ATL2: variants seen among roughly 807,000 people sequenced by gnomAD.
ATL2 encodes atlastin GTPase 2.
ATL2 carries 31 observed loss-of-function variants against 73.9 expected under a neutral mutation model. The ratio of observed to expected loss-of-function variants is 0.42; its 90% CI spans 0.32 to 0.57. The LOEUF (loss-of-function observed/expected upper bound fraction) is 0.57. ATL2 is among the 20% of genes least tolerant of loss of function. The probability of loss-of-function intolerance (pLI) is 0.14; values close to 1 mark genes in which losing one functional copy is unlikely to be tolerated. For synonymous variants in ATL2, 291 were observed against 237.5 expected, an observed-to-expected ratio of 1.23 and a Z score of -2.07; for missense variants, 738 against 702.6, an observed-to-expected ratio of 1.05 and a Z score of -0.57.
chr2:38,341,337 T>C (rs1669705613), intron 2 of ATL2, among the ~76,000 whole-genome samples: 1 of 152,152 alleles, frequency 6.6e-6, no homozygotes, highest in African/African-American at 2.4e-5. Context: ...CTAGATCAAG[T>C]CTAAATAGGA....
intron 2 of ATL2, among the ~76,000 whole-genome samples, chr2:38,338,665 G>T (rs1017653841): frequency 2.0e-5 from 3 of 152,066 alleles, no homozygotes; most frequent in African/African-American, 4.8e-5. Context: ...GTTCTTTGAG[G>T]TTGGGGTGGA....
chr2:38,371,144 T>G (rs962231266), intron 1 of ATL2, among the ~76,000 whole-genome samples: 2 of 151,968 alleles, frequency 1.3e-5, no homozygotes, highest in African/African-American at 4.8e-5. Context: ...AGGAGTTTCT[T>G]TATAGAAGGC....
chr2:38,312,480 G>T (rs1218425744), intron 7 of ATL2, among the ~76,000 whole-genome samples: 1 of 152,140 alleles, frequency 6.6e-6, no homozygotes, highest in South Asian at 2.1e-4. Context: ...GGAGGCCGAG[G>T]TAGGCCGATC....
At chr2:38,346,502 C>T (rs544070324) in intron 1 of ATL2, among the ~76,000 whole-genome samples, 55 of 152,308 alleles carry the variant, frequency 3.6e-4, no homozygotes, top group Non-Finnish European at 6.5e-4. Flanking sequence ...GGTCCCCAAC[C>T]TTCTTGGTAC....
At chr2:38,370,150 C>CAA (rs962952444) in intron 1 of ATL2, among the ~76,000 whole-genome samples, 112 of 43,866 alleles carry the variant, frequency 2.6e-3, no homozygotes, top group African/African-American at 9.3e-3. Context: ...GAGACTCCGT[C>CAA]AAAAAAAAAA....
chr2:38,377,025 G>A (rs945860942), intron 1 of ATL2, 118 bp downstream of exon 1: 3 of 811,428 alleles, frequency 3.7e-6, no homozygotes, highest in Admixed American at 3.9e-5. Context: ...GGCGGCGGGA[G>A]GAGACCTGAA....
intron 1 of ATL2, among the ~76,000 whole-genome samples, chr2:38,364,620 G>A (rs115681035): frequency 0.017 from 2,584 of 152,194 alleles, 37 homozygotes; most frequent in Middle Eastern, 0.034. Flanking sequence ...TCCTATTTCC[G>A]GAAGTATTTT....
At chr2:38,355,731 G>A (rs1010688913) in intron 1 of ATL2, among the ~76,000 whole-genome samples, 16 of 139,958 alleles carry the variant, frequency 1.1e-4, no homozygotes, top group South Asian at 2.2e-4. Context: ...TTTGAGTCTC[G>A]CTCTGTCACC....
chr2:38,360,755 G>T (rs1281070576), intron 1 of ATL2, among the ~76,000 whole-genome samples: 1 of 152,128 alleles, frequency 6.6e-6, no homozygotes, highest in African/African-American at 2.4e-5. Flanking sequence ...AAATGAGGGA[G>T]AACATACTTT....
intron 9 of ATL2, among the ~76,000 whole-genome samples, chr2:38,303,385 T>C (rs1667283331): frequency 6.6e-6 from 1 of 152,008 alleles, no homozygotes; most frequent in Non-Finnish European, 1.5e-5. Context: ...TTTGTATTTT[T>C]TGTAGAGACA....
At chr2:38,316,317 T>C (rs1363365641) in intron 4 of ATL2, among the ~76,000 whole-genome samples, 1 of 152,218 alleles carries the variant, frequency 6.6e-6, no homozygotes, top group Non-Finnish European at 1.5e-5. Context: ...ACATAAACCC[T>C]GACACCATGA....
upstream of ATL2, chr2:38,377,401 T>C (rs1211789111): frequency 3.5e-5 from 23 of 666,114 alleles, no homozygotes; most frequent in Non-Finnish European, 5.2e-5. Context: ...CTGTATCTCC[T>C]CGCCCTCCGC....
At chr2:38,306,759 G>T (rs1667469745) in intron 9 of ATL2, among the ~76,000 whole-genome samples, 1 of 152,088 alleles carries the variant, frequency 6.6e-6, no homozygotes, top group Non-Finnish European at 1.5e-5. Flanking sequence ...CATAATAAAA[G>T]CTGTATACAA....
chr2:38,319,165 G>A, intron 2 of ATL2, 146 bp from the exon 3 acceptor site: 1 of 876,756 alleles, frequency 1.1e-6, no homozygotes, highest in Non-Finnish European at 1.7e-6. Flanking sequence ...TAGTTACAAA[G>A]CAGTCCTTAA....
At chr2:38,337,656 A>G (rs1389316084) in intron 2 of ATL2, among the ~76,000 whole-genome samples, 3 of 151,844 alleles carry the variant, frequency 2.0e-5, no homozygotes, top group Non-Finnish European at 4.4e-5. Context: ...TTAATTGATC[A>G]CAGGGATTTA....
chr2:38,352,133 C>CAAAAAAAAAAAAAAAAAA (rs778821586), intron 1 of ATL2, among the ~76,000 whole-genome samples: 2 of 31,964 alleles, frequency 6.3e-5, no homozygotes, highest in Non-Finnish European at 1.6e-4. Flanking sequence ...AAACAACAAC[C>CAAAAAAAAAAAAAAAAAA]AAAAAAAAAA....
At chr2:38,364,385 T>C (rs867753934) in intron 1 of ATL2, among the ~76,000 whole-genome samples, 1 of 152,220 alleles carries the variant, frequency 6.6e-6, no homozygotes, top group Non-Finnish European at 1.5e-5. Flanking sequence ...GTTGCAGAGA[T>C]AAACTCAAAG....
chr2:38,377,215 C>T lies in ATL2; in HGVS notation c.46G>A (p.Gly16Arg), dbSNP rs763076053. ...EAARGQQPHQ[G>R]LWRRRRTSDP... ...CTGGTCCGTCGCCGGCGCCACAGCCCCTGGTGCGGTTGCTGCCCTCGCGCT... is the reference window on the plus strand; with the variant it reads ...CTGGTCCGTCGCCGGCGCCACAGCCTCTGGTGCGGTTGCTGCCCTCGCGCT... The change falls in exon 1 of 13, where the codon GGG becomes AGG. Residue 16 changes from glycine to arginine, a missense_variant. Gly to Arg is a moderately radical substitution (Grantham distance 125). Coordinates refer to ENST00000378954, the MANE Select transcript of ATL2 (RefSeq NM_001135673.4). 1 of 1,608,112 alleles carries T rather than the reference C, an allele frequency of 6.2e-7. No individual in the cohort carries two copies. The highest frequency in any genetic ancestry group is 8.5e-7 in the Non-Finnish European group (1 of 1,178,168).
chr2:38,313,132 T>C lies in ATL2; in HGVS notation c.804+19A>G. The C allele has an allele frequency of 6.4e-7, 1 of 1,573,594 alleles. No individual in the cohort carries two copies. Among genetic ancestry groups the C allele is most frequent in the Non-Finnish European group, 8.7e-7 (1 of 1,147,482 alleles). On this transcript the variant is annotated intron_variant, in intron 7 of 12. Transcript: ENST00000378954. The stretch of plus-strand genomic sequence containing the variant: ...TAGCTTGGTGCTTATGTTCTCCTCT[T>C]TAAGCATTAGGGTCTTACCTGTAAT...
Sources: allele counts gnomAD v4.1 joint callset (sites outside exome capture counted in the v4.1 genomes callset), GRCh38; gene constraint gnomAD v4.1.1; transcripts MANE v1.5; gene names NCBI Gene and HGNC (gene_info 2026-07-23, HGNC 2026-07-21).